Variants in HS3ST4 observed in about 807,000 individuals in gnomAD.
HS3ST4 encodes the protein heparan sulfate-glucosamine 3-sulfotransferase 4, also known as heparan sulfate glucosamine 3-O-sulfotransferase 4.
Under a neutral mutation model 29.2 loss-of-function variants are expected in HS3ST4, and 17 were observed. The ratio of observed to expected loss-of-function variants is 0.58; its 90% confidence interval spans 0.40 to 0.87. The LOEUF is 0.87. Among genes scored for constraint, HS3ST4 ranks in the 40% least tolerant of loss-of-function variants. The pLI is 0.00. For synonymous variants in HS3ST4, 314 were observed against 285.7 expected, an observed-to-expected ratio of 1.10 and a Z score of -1.00; for missense variants, 627 against 634.5, an observed-to-expected ratio of 0.99 and a Z score of 0.13.
intron 1 of HS3ST4, among the ~76,000 whole-genome samples, chr16:25,753,276 A>G (rs2141602752): frequency 6.6e-6 from 1 of 152,318 alleles, no homozygotes; most frequent in Non-Finnish European, 1.5e-5. Context: ...ATCATTCATG[A>G]CGTTTGTCCA....
At chr16:25,981,710 G>A (rs752711437) in intron 1 of HS3ST4, among the ~76,000 whole-genome samples, 14 of 149,022 alleles carry the variant, frequency 9.4e-5, no homozygotes, top group Non-Finnish European at 3.0e-5. Flanking sequence ...GACTATATAA[G>A]CCCAAGTGGA....
intron 1 of HS3ST4, among the ~76,000 whole-genome samples, chr16:25,828,290 T>TTCTGTCTG (rs1967250823): frequency 2.9e-5 from 2 of 69,440 alleles, no homozygotes; most frequent in African/African-American, 1.3e-4. Context: ...CTTTCTTTCT[T>TTCTGTCTG]TCTTTCTTTC....
chr16:25,917,049 C>T (rs1441016784), intron 1 of HS3ST4, among the ~76,000 whole-genome samples: 1 of 152,152 alleles, frequency 6.6e-6, no homozygotes. Context: ...TGGGCAAGTG[C>T]TTCAACCTAC....
intron 1 of HS3ST4, among the ~76,000 whole-genome samples, chr16:25,716,486 A>G (rs1305940658): frequency 2.0e-5 from 3 of 152,202 alleles, no homozygotes; most frequent in Non-Finnish European, 2.9e-5. Flanking sequence ...TTGAACAGTC[A>G]TTAGGTGCCA....
At chr16:26,037,653 GT>G (rs1969595807) in intron 1 of HS3ST4, among the ~76,000 whole-genome samples, 1 of 152,202 alleles carries the variant, frequency 6.6e-6, no homozygotes, top group Non-Finnish European at 1.5e-5. Context: ...GAGAGTATAT[GT>G]TTCACTGAGC....
Position 25,692,417 on chromosome 16 carries a change from G to T in HS3ST4, c.-1G>T. 1.0e-6 allele frequency: 1 copy of T among 995,814 alleles called. No individual in the cohort carries two copies. The highest frequency in any genetic ancestry group is 1.2e-6 in the Non-Finnish European group (1 of 808,068). The allele number at this position is 995,814 out of a possible 1,614,324, so 61.7% of individuals were successfully genotyped here. On this transcript the variant is annotated 5_prime_UTR_variant, in exon 1 of 2. Coordinates refer to ENST00000331351, the MANE Select transcript of HS3ST4 (RefSeq NM_006040.3). ...GCCGCCGCCGCGAGCCGGGAGCCGC[G>T]ATGGCCCGGTGGCCCGCACCTCCTC... is the stretch of plus-strand genomic sequence containing the variant.
intron 1 of HS3ST4, among the ~76,000 whole-genome samples, chr16:25,806,610 TA>T (rs1292657765): frequency 6.6e-6 from 1 of 152,206 alleles, no homozygotes; most frequent in Non-Finnish European, 1.5e-5. Context: ...TCATTTTTTT[TA>T]ATTGAACTTT....
At chr16:25,881,739 G>A (rs1194207325) in intron 1 of HS3ST4, among the ~76,000 whole-genome samples, 2 of 152,158 alleles carry the variant, frequency 1.3e-5, no homozygotes, top group Non-Finnish European at 2.9e-5. Context: ...CTCTGTTGGT[G>A]TAGGACTGGC....
intron 1 of HS3ST4, among the ~76,000 whole-genome samples, chr16:25,918,787 A>G (rs1047661641): frequency 1.3e-5 from 2 of 152,178 alleles, no homozygotes; most frequent in African/African-American, 4.8e-5. Context: ...GCTATGTGAC[A>G]GAGCCAAGAC....
intron 1 of HS3ST4, among the ~76,000 whole-genome samples, chr16:25,699,775 A>G (rs1447085086): frequency 6.6e-6 from 1 of 152,246 alleles, no homozygotes; most frequent in Non-Finnish European, 1.5e-5. Context: ...GCCAGAATCT[A>G]TTGGACAAAT....
intron 1 of HS3ST4, among the ~76,000 whole-genome samples, chr16:25,828,282 T>C (rs867124193): frequency 0.016 from 1,334 of 85,348 alleles, 113 homozygotes; most frequent in African/African-American, 0.042. Flanking sequence ...CTTTCTTTCT[T>C]TCTTTCTTTC....
chr16:25,707,498 ATCC>A lies in HS3ST4; in HGVS notation c.734+14350_734+14352del, dbSNP rs560565491. ...GAAGTCACTGGGGGTCTTGGAGCAT[ATCC>A]TCTGTAGATGAGGGGGCACTATTGT... On this transcript the variant is annotated intron_variant, in intron 1 of 1. Coordinates refer to ENST00000331351, the MANE Select transcript of HS3ST4 (RefSeq NM_006040.3). Among the ~76,000 whole-genome samples the A allele has an allele frequency of 9.2e-5, 14 of 152,312 alleles. No homozygotes were observed. The South Asian group carries it at 2.5e-3, about 27-fold the overall frequency.
At chr16:25,918,656 G>A (rs897749207) in intron 1 of HS3ST4, among the ~76,000 whole-genome samples, 5 of 152,188 alleles carry the variant, frequency 3.3e-5, no homozygotes, top group Admixed American at 6.5e-5. Context: ...CTGGTTCATC[G>A]GAGGAATAAA....
At position 26,117,361 on chromosome 16, in the gene HS3ST4, C is replaced by T. The variant is rs146239176; in HGVS notation, c.735-18251C>T. On this transcript the variant is annotated intron_variant, in intron 1 of 1. Transcript: ENST00000331351. ...GACTTTGAGGAAGAGACAGGCTGAA[C>T]CCTACTCAACTCCCATTCTTGTTCC... Among the ~76,000 whole-genome samples, 434 of 152,336 alleles carry T rather than the reference C, an allele frequency of 2.8e-3. 1 individual carries two copies. Among genetic ancestry groups the T allele is most frequent in the African/African-American group, 1.0e-2 (414 of 41,572 alleles).
intron 1 of HS3ST4, among the ~76,000 whole-genome samples, chr16:25,792,221 AT>A (rs1403129540): frequency 2.0e-5 from 3 of 151,970 alleles, no homozygotes; most frequent in East Asian, 1.9e-4. Flanking sequence ...AAATTTGTTT[AT>A]TCATGAATAT....
At chr16:25,898,694 C>CA (rs1211943360) in intron 1 of HS3ST4, among the ~76,000 whole-genome samples, 1 of 152,136 alleles carries the variant, frequency 6.6e-6, no homozygotes, top group Non-Finnish European at 1.5e-5. Context: ...AGAACAAAAC[C>CA]AAACAGTGTT....
At chr16:25,809,153 A>T (rs1393076703) in intron 1 of HS3ST4, among the ~76,000 whole-genome samples, 1 of 152,042 alleles carries the variant, frequency 6.6e-6, no homozygotes, top group African/African-American at 2.4e-5. Context: ...GTGAGAGTGG[A>T]CATCCTTGCC....
intron 1 of HS3ST4, among the ~76,000 whole-genome samples, chr16:25,961,819 A>G (rs1322477917): frequency 1.4e-5 from 1 of 69,724 alleles, no homozygotes; most frequent in Admixed American, 1.4e-4. Flanking sequence ...AAAAAAATTA[A>G]TGACCTAAAA....
intron 1 of HS3ST4, among the ~76,000 whole-genome samples, chr16:25,987,385 C>T (rs1201742162): frequency 6.6e-6 from 1 of 151,972 alleles, no homozygotes; most frequent in Non-Finnish European, 1.5e-5. Flanking sequence ...ATAATTTTTA[C>T]TATTTATGGA....
Sources: gnomAD v4.1 joint callset for allele counts (sites outside exome capture counted in the v4.1 genomes callset) on GRCh38, gnomAD v4.1.1 for gene constraint, MANE v1.5 for transcripts, NCBI Gene and HGNC (gene_info 2026-07-23, HGNC 2026-07-21) for gene names.